Variants in ATP10B observed in about 807,000 individuals in gnomAD.
The protein encoded by ATP10B is phospholipid-transporting ATPase VB.
ATP10B carries 122 observed loss-of-function variants against 141.2 expected under a neutral mutation model. The observed-to-expected ratio is 0.86, with a 90% CI of 0.75 to 1.00. The LOEUF is 1.00. Ranked by LOEUF, ATP10B falls within the 50% of genes least tolerant of loss-of-function variation. ATP10B has a pLI of 0.00. For missense variants in ATP10B, 1,876 were observed against 1,825.3 expected (o/e 1.03, Z -0.51); for synonymous variants, 685 against 692.0 (o/e 0.99, Z 0.16).
intron 22 of ATP10B, among the ~76,000 whole-genome samples, 186 bp from the exon 23 acceptor site, chr5:160,591,325 G>C (rs970848834): frequency 3.9e-5 from 6 of 152,178 alleles, no homozygotes; most frequent in Non-Finnish European, 8.8e-5. Context: ...TCAACTGTGT[G>C]ACCTTGTGAA....
At position 160,727,649 on chromosome 5, in the gene ATP10B, C is replaced by T. The variant is rs537083383; in HGVS notation, c.-330-10615G>A. 3.3e-5 allele frequency among the ~76,000 whole-genome samples: 5 copies of T among 152,138 alleles called. No homozygotes were observed. The East Asian group carries it at 7.7e-4, about 23-fold the overall frequency. On this transcript the variant is annotated intron_variant, in intron 2 of 25. Transcript: ENST00000327245. ...GGGTCCCACGGTATCAGCTCAACTTCCAGGGGTGTTGGAGACTGAAATCAG... is the reference window on the plus strand; with the variant it reads ...GGGTCCCACGGTATCAGCTCAACTTTCAGGGGTGTTGGAGACTGAAATCAG...
the ATP10B span, among the ~76,000 whole-genome samples, chr5:160,912,189 C>A: frequency 3.3e-5 from 5 of 151,704 alleles, no homozygotes; most frequent in Admixed American, 6.6e-5. Flanking sequence ...TAAATAAAGA[C>A]CAATTAGAAA....
At chr5:160,868,812 A>T in the ATP10B span, among the ~76,000 whole-genome samples, 17 of 152,268 alleles carry the variant, frequency 1.1e-4, no homozygotes, top group African/African-American at 3.6e-4. Context: ...ACTTATGCAG[A>T]TTAAGAAAAT....
At chr5:160,637,657 A>G (rs191096484) in intron 10 of ATP10B, among the ~76,000 whole-genome samples, 109 of 152,356 alleles carry the variant, frequency 7.2e-4, no homozygotes, top group Admixed American at 2.9e-3. Context: ...ACTAAATCTC[A>G]GTGTTCTTGT....
chr5:160,650,716 T>C (rs960743648), intron 7 of ATP10B, among the ~76,000 whole-genome samples: 1 of 152,190 alleles, frequency 6.6e-6, no homozygotes, highest in Non-Finnish European at 1.5e-5. Flanking sequence ...ACTTATGTCT[T>C]CAGATGAATG....
chr5:160,636,403 G>T, intron 10 of ATP10B, 94 bp from the exon 11 acceptor site: 1 of 1,385,822 alleles, frequency 7.2e-7, no homozygotes, highest in African/African-American at 1.4e-5. Flanking sequence ...CTAGAAATGG[G>T]TGTGCTTTGG....
chr5:160,565,679 G>A lies in ATP10B; in HGVS notation c.4160C>T (p.Pro1387Leu). The A allele has an allele frequency of 1.2e-6, 2 of 1,614,090 alleles. No homozygotes were observed. Among genetic ancestry groups the A allele is most frequent in the Non-Finnish European group, 1.7e-6 (2 of 1,179,970 alleles). ...FSASTPKSSN[P>L]PKRKHVEESV... ...CTCTTCCACATGCTTCCTCTTGGGA[G>A]GGTTAGAGCTCTTTGGGGTGCTGGC... Residue 1387 changes from proline to leucine, a missense_variant, in exon 26 of 26, where the codon CCT becomes CTT. By Grantham distance (98) the Pro-to-Leu change is moderately conservative. Coordinates refer to ENST00000327245, the MANE Select transcript of ATP10B (RefSeq NM_025153.3).
intron 3 of ATP10B, among the ~76,000 whole-genome samples, chr5:160,716,572 C>T (rs911167395): frequency 6.6e-6 from 1 of 152,088 alleles, no homozygotes; most frequent in Non-Finnish European, 1.5e-5. Flanking sequence ...TAAAGTTGAG[C>T]AAAAAGTTCC....
chr5:160,907,961 G>A, the ATP10B span, among the ~76,000 whole-genome samples: 1 of 152,132 alleles, frequency 6.6e-6, no homozygotes, highest in African/African-American at 2.4e-5. Flanking sequence ...ATCTTGAAGA[G>A]CTTGGAGGAT....
chr5:160,626,059 C>T (rs1231418092), intron 13 of ATP10B, among the ~76,000 whole-genome samples: 1 of 152,244 alleles, frequency 6.6e-6, no homozygotes, highest in South Asian at 2.1e-4. Context: ...TTTGCTCCAG[C>T]CCACTGGTTT....
At chr5:160,574,276 T>C (rs1218123499) in intron 24 of ATP10B, among the ~76,000 whole-genome samples, 1 of 152,060 alleles carries the variant, frequency 6.6e-6, no homozygotes, top group African/African-American at 2.4e-5. Flanking sequence ...CTACTACAAA[T>C]ACAAAATATT....
the ATP10B span, among the ~76,000 whole-genome samples, chr5:160,909,633 G>A: frequency 6.6e-6 from 1 of 152,156 alleles, no homozygotes; most frequent in African/African-American, 2.4e-5. Flanking sequence ...CCACCCACTG[G>A]ATCTTGTTTC....
the ATP10B span, among the ~76,000 whole-genome samples, chr5:160,868,958 A>G: frequency 6.6e-6 from 1 of 152,206 alleles, no homozygotes; most frequent in Middle Eastern, 3.4e-3. Flanking sequence ...TGTATTAACC[A>G]CCGGGGAAAA....
At chr5:160,920,741 A>T in the ATP10B span, among the ~76,000 whole-genome samples, 18 of 152,360 alleles carry the variant, frequency 1.2e-4, no homozygotes, top group Admixed American at 8.5e-4. Flanking sequence ...CTTCAATGTC[A>T]TGCAAACCCT....
the ATP10B span, among the ~76,000 whole-genome samples, chr5:160,902,251 C>A: frequency 6.6e-6 from 1 of 152,178 alleles, no homozygotes; most frequent in Non-Finnish European, 1.5e-5. Flanking sequence ...AATTTAGTCT[C>A]ATTGCATTGG....
intron 2 of ATP10B, among the ~76,000 whole-genome samples, chr5:160,763,141 G>A (rs1336165419): frequency 6.6e-6 from 1 of 152,124 alleles, no homozygotes; most frequent in African/African-American, 2.4e-5. Context: ...TCGACTGACA[G>A]CACTAGACGG....
chr5:160,878,410 G>C, the ATP10B span, among the ~76,000 whole-genome samples: 2 of 149,070 alleles, frequency 1.3e-5, no homozygotes, highest in Admixed American at 6.8e-5. Flanking sequence ...TTAAACGTTA[G>C]ACCTAAAACC....
the ATP10B span, among the ~76,000 whole-genome samples, chr5:160,879,787 G>C: frequency 4.6e-5 from 7 of 152,088 alleles, no homozygotes; most frequent in Non-Finnish European, 8.8e-5. Context: ...GTAGTGAGCC[G>C]AGATGGCGCC....
chr5:160,824,897 G>A (rs1270472993), intron 1 of ATP10B, among the ~76,000 whole-genome samples: 4 of 152,118 alleles, frequency 2.6e-5, no homozygotes, highest in Admixed American at 6.6e-5. Flanking sequence ...CTAGCTTTGG[G>A]CAAGCCACCT....
Sources: allele counts gnomAD v4.1 joint callset (sites outside exome capture counted in the v4.1 genomes callset), GRCh38; gene constraint gnomAD v4.1.1; transcripts MANE v1.5; gene names NCBI Gene and HGNC (gene_info 2026-07-23, HGNC 2026-07-21).